ARHGAP26: variants seen among roughly 807,000 people sequenced by gnomAD.
ARHGAP26 encodes Rho GTPase activating protein 26.
ARHGAP26 carries 38 observed loss-of-function variants against 104.8 expected under a neutral mutation model. The ratio of observed to expected loss-of-function variants is 0.36; its 90% CI spans 0.28 to 0.48. ARHGAP26 has a LOEUF of 0.48. Among genes scored for constraint, ARHGAP26 ranks in the 20% least tolerant of loss-of-function variants. ARHGAP26 has a pLI of 0.99. For synonymous variants in ARHGAP26, 341 were observed against 340.0 expected, an observed-to-expected ratio of 1.00 and a Z score of -0.03; for missense variants, 704 against 947.9, an observed-to-expected ratio of 0.74 and a Z score of 3.38.
intron 14 of ARHGAP26, among the ~76,000 whole-genome samples, chr5:143,053,258 G>A (rs1785294579): frequency 6.6e-6 from 1 of 152,074 alleles, no homozygotes; most frequent in Admixed American, 6.6e-5. Context: ...CCAGAGAGTT[G>A]ATATACTTTT....
chr5:142,896,789 A>G (rs1329899169), intron 6 of ARHGAP26, among the ~76,000 whole-genome samples: 1 of 152,132 alleles, frequency 6.6e-6, no homozygotes, highest in Admixed American at 6.6e-5. Context: ...GTTCTTGGGC[A>G]AGTTATTTCT....
chr5:143,070,688 T>C (rs1788111876), intron 17 of ARHGAP26, among the ~76,000 whole-genome samples: 1 of 152,180 alleles, frequency 6.6e-6, no homozygotes, highest in Non-Finnish European at 1.5e-5. Flanking sequence ...GATGGATGGA[T>C]CACCTGAGGT....
chr5:143,207,912 G>A (rs899321307), intron 21 of ARHGAP26, among the ~76,000 whole-genome samples: 4 of 152,248 alleles, frequency 2.6e-5, no homozygotes, highest in South Asian at 2.1e-4. Flanking sequence ...GGGGAGAGAC[G>A]TCGAACATAG....
intron 20 of ARHGAP26, among the ~76,000 whole-genome samples, chr5:143,206,629 G>A (rs1467058763): frequency 6.6e-6 from 1 of 152,174 alleles, no homozygotes. Flanking sequence ...CTCCCAAGAG[G>A]TGTATCTGTA....
intron 1 of ARHGAP26, among the ~76,000 whole-genome samples, chr5:142,809,469 G>T (rs145649252): frequency 6.6e-6 from 1 of 152,070 alleles, no homozygotes; most frequent in African/African-American, 2.4e-5. Flanking sequence ...CAGAAGTTGG[G>T]GTGTCTGAAT....
At chr5:142,965,090 A>C (rs1283600431) in intron 11 of ARHGAP26, among the ~76,000 whole-genome samples, 2 of 152,162 alleles carry the variant, frequency 1.3e-5, no homozygotes, top group African/African-American at 4.8e-5. Context: ...GACAGAGAGA[A>C]AGACAGCTTA....
chr5:142,847,419 G>A (rs1375404875), intron 1 of ARHGAP26, among the ~76,000 whole-genome samples: 1 of 151,756 alleles, frequency 6.6e-6, no homozygotes, highest in Admixed American at 6.6e-5. Context: ...GTGCAATGGC[G>A]CGATCTCGGC....
intron 11 of ARHGAP26, among the ~76,000 whole-genome samples, chr5:142,948,984 A>C (rs911981411): frequency 2.6e-5 from 4 of 152,000 alleles, no homozygotes; most frequent in African/African-American, 9.7e-5. Flanking sequence ...GGGTGCCTGT[A>C]ATCCTAGCTA....
At chr5:143,203,916 CA>C in intron 20 of ARHGAP26, among the ~76,000 whole-genome samples, 1 of 150,554 alleles carries the variant, frequency 6.6e-6, no homozygotes, top group South Asian at 2.1e-4. Context: ...CGGGGCCTGT[CA>C]GGGGGTAGGG....
chr5:143,000,038 G>T (rs1236827707), intron 11 of ARHGAP26, among the ~76,000 whole-genome samples: 1 of 152,136 alleles, frequency 6.6e-6, no homozygotes, highest in Admixed American at 6.5e-5. Context: ...GAAAAATGCA[G>T]TTTGAGACTA....
intron 1 of ARHGAP26, among the ~76,000 whole-genome samples, chr5:142,828,538 C>T (rs537466587): frequency 6.6e-6 from 1 of 152,276 alleles, no homozygotes; most frequent in East Asian, 1.9e-4. Flanking sequence ...TTCTTTTCCC[C>T]CTAAGGTTTT....
chr5:142,774,003 A>G (rs1388187727), intron 1 of ARHGAP26, among the ~76,000 whole-genome samples: 3 of 152,260 alleles, frequency 2.0e-5, no homozygotes, highest in African/African-American at 7.2e-5. Flanking sequence ...CTTGAATGGC[A>G]TAAACTCTCA....
At chr5:142,986,809 G>A (rs1462762508) in intron 11 of ARHGAP26, among the ~76,000 whole-genome samples, 1 of 152,112 alleles carries the variant, frequency 6.6e-6, no homozygotes, top group African/African-American at 2.4e-5. Flanking sequence ...AAGATCAGAT[G>A]GTTGTAGATG....
intron 11 of ARHGAP26, among the ~76,000 whole-genome samples, chr5:143,000,516 A>G (rs968512651): frequency 6.6e-6 from 1 of 152,272 alleles, no homozygotes; most frequent in South Asian, 2.1e-4. Flanking sequence ...CAATCCCATT[A>G]CTGGGTATAT....
At chr5:143,130,835 T>C (rs572947228) in intron 18 of ARHGAP26, among the ~76,000 whole-genome samples, 3 of 152,346 alleles carry the variant, frequency 2.0e-5, no homozygotes, top group African/African-American at 4.8e-5. Context: ...GTTTGTGTCG[T>C]CTGCCCTGAC....
In ARHGAP26 at chr5:142,852,737, C is replaced by T. The variant is rs140931093; in HGVS notation, c.155-20663C>T. Among the ~76,000 whole-genome samples the T allele has an allele frequency of 3.4e-4, 51 of 152,228 alleles. No homozygotes were observed. In the East Asian group the frequency reaches 3.9e-3, roughly 12 times the overall value. ...TTGATCCAGAGGAGGTCTGTGTTTC[C>T]CTGGAACTCTGTCATCATGATAACA... On this transcript the variant is annotated intron_variant, in intron 1 of 22. Coordinates refer to ENST00000645722, the MANE Select transcript of ARHGAP26 (RefSeq NM_001135608.3).
At chr5:143,122,556 G>A (rs867150670) in intron 18 of ARHGAP26, among the ~76,000 whole-genome samples, 4 of 152,266 alleles carry the variant, frequency 2.6e-5, no homozygotes, top group Middle Eastern at 6.8e-3. Context: ...TTTTATTTGC[G>A]ATTCTAGAAT....
chr5:142,853,938 G>T (rs77545201), intron 1 of ARHGAP26, among the ~76,000 whole-genome samples: 4,928 of 152,302 alleles, frequency 0.032, 114 homozygotes, highest in South Asian at 0.085. Flanking sequence ...GAATGAAGCT[G>T]TGAGCAGGCC....
chr5:142,895,851 C>T (rs1041662541), intron 6 of ARHGAP26, among the ~76,000 whole-genome samples: 4 of 152,186 alleles, frequency 2.6e-5, no homozygotes, highest in African/African-American at 4.8e-5. Flanking sequence ...AGATTACAAT[C>T]GGCTTTGGAA....
Sources: allele counts gnomAD v4.1 joint callset (sites outside exome capture counted in the v4.1 genomes callset), GRCh38; gene constraint gnomAD v4.1.1; transcripts MANE v1.5; gene names NCBI Gene and HGNC (gene_info 2026-07-23, HGNC 2026-07-21).